Variants in CTTNBP2NL observed in about 807,000 individuals in gnomAD.
CTTNBP2NL encodes CTTNBP2 N-terminal like.
In CTTNBP2NL, 16 loss-of-function variants were observed where a neutral mutation model predicts 32.5. That is an observed-to-expected ratio of 0.49 (90% confidence interval 0.33 to 0.75). CTTNBP2NL has a LOEUF of 0.75. CTTNBP2NL is among the 30% of genes least tolerant of loss of function. The pLI is 0.02. For synonymous variants in CTTNBP2NL, 298 were observed against 289.4 expected, an observed-to-expected ratio of 1.03 and a Z score of -0.30; for missense variants, 645 against 756.0, an observed-to-expected ratio of 0.85 and a Z score of 1.72.
chr1:112,456,194 G>C lies in CTTNBP2NL; in HGVS notation c.702G>C (p.Gln234His), dbSNP rs376910618. The change falls in exon 6 of 6, where the codon CAG (glutamine) becomes CAC (histidine). Residue 234 changes from glutamine (Q) to histidine (H), a missense_variant. Physicochemically the swap from Gln to His is conservative, Grantham distance 24. Coordinates refer to ENST00000271277, the MANE Select transcript of CTTNBP2NL (RefSeq NM_018704.3). Reference protein sequence around the residue: ...ERKRGLQTEAQVEKQLSEFDI... With the variant: ...ERKRGLQTEAHVEKQLSEFDI... The stretch of plus-strand genomic sequence containing the variant: ...AGAGAGGCTTGCAGACTGAGGCCCA[G>C]GTAGAGAAGCAGTTATCAGAGTTTG... The C allele has an allele frequency of 1.9e-5, 31 of 1,614,014 alleles. No homozygotes were observed. The highest frequency in any genetic ancestry group is 1.4e-5 in the Non-Finnish European group (16 of 1,180,038).
At chr1:112,404,633 T>C (rs1158464965) in intron 1 of CTTNBP2NL, among the ~76,000 whole-genome samples, 1 of 152,246 alleles carries the variant, frequency 6.6e-6, no homozygotes, top group Non-Finnish European at 1.5e-5. Flanking sequence ...GGTGGCATTA[T>C]TTCAGAAAAG....
intron 3 of CTTNBP2NL, among the ~76,000 whole-genome samples, chr1:112,442,519 G>A (rs1221220438): frequency 6.6e-6 from 1 of 151,828 alleles, no homozygotes; most frequent in African/African-American, 2.4e-5. Context: ...AGTTATTCTT[G>A]TGGACTCAGT....
chr1:112,421,518 G>T (rs548490657), intron 3 of CTTNBP2NL, among the ~76,000 whole-genome samples: 3 of 149,450 alleles, frequency 2.0e-5, no homozygotes, highest in East Asian at 4.0e-4. Context: ...GGCCAGGCTG[G>T]TCTTGAACTC....
At chr1:112,395,654 A>G (rs569931918), upstream of CTTNBP2NL, among the ~76,000 whole-genome samples, 1 of 152,276 alleles carries the variant, frequency 6.6e-6, no homozygotes, top group African/African-American at 2.4e-5. Context: ...AATGTGGTTG[A>G]GAGAAGGGTG....
chr1:112,415,211 T>A (rs1649019124), intron 2 of CTTNBP2NL, among the ~76,000 whole-genome samples: 1 of 151,946 alleles, frequency 6.6e-6, no homozygotes, highest in Non-Finnish European at 1.5e-5. Context: ...AAAATAAAGA[T>A]GTTTAAACCC....
chr1:112,426,011 G>T (rs1649387114), intron 3 of CTTNBP2NL, among the ~76,000 whole-genome samples: 1 of 140,404 alleles, frequency 7.1e-6, no homozygotes, highest in African/African-American at 2.6e-5. Context: ...GTGTCTGTCT[G>T]TCTTACTACA....
rs1458732344 is a variant in CTTNBP2NL at position 112,456,080 on chromosome 1, A to G, written c.588A>G (p.Glu196=). The change falls in exon 6 of 6, where the codon GAA becomes GAG. Residue 196 remains glutamate (E), a synonymous_variant. Coordinates refer to ENST00000271277, the MANE Select transcript of CTTNBP2NL (RefSeq NM_018704.3). ...CKKATNKAAE[E]GQKAGELSLK... ...AAGCCACCAACAAGGCAGCCGAGGA[A>G]GGACAGAAGGCAGGAGAGCTGAGCC... 3 of 1,614,170 alleles carry G rather than the reference A, an allele frequency of 1.9e-6. No homozygotes were observed. Among genetic ancestry groups the G allele is most frequent in the Non-Finnish European group, 2.5e-6 (3 of 1,180,012 alleles).
chr1:112,427,085 G>T (rs1200636387), intron 3 of CTTNBP2NL, among the ~76,000 whole-genome samples: 2 of 152,068 alleles, frequency 1.3e-5, no homozygotes, highest in Non-Finnish European at 2.9e-5. Context: ...TACAAAGTGT[G>T]AATTTTTATA....
rs1189621679 is a variant in CTTNBP2NL, at chr1:112,412,227, T to G, written c.-100T>G. The G allele has an allele frequency of 6.6e-6, 1 of 152,216 alleles. No individual in the cohort carries two copies. Among genetic ancestry groups the G allele is most frequent in the East Asian group, 1.9e-4 (1 of 5,202 alleles). 9.4% of individuals were successfully genotyped at this position (152,216 alleles called of 1,614,324 possible). A position where few individuals can be genotyped will look rare whatever the true frequency, so the allele number is the denominator to read the frequency against. ...ACATTTCCACCATGCTAATGGCATTTTAAATATATTTGGCAATTTTCCCAA... is the reference window on the plus strand; with the variant it reads ...ACATTTCCACCATGCTAATGGCATTGTAAATATATTTGGCAATTTTCCCAA... On this transcript the variant is annotated 5_prime_UTR_variant, in exon 2 of 6. Coordinates refer to ENST00000271277, the MANE Select transcript of CTTNBP2NL (RefSeq NM_018704.3).
upstream of CTTNBP2NL, among the ~76,000 whole-genome samples, chr1:112,392,870 T>G (rs929583619): frequency 9.2e-5 from 14 of 152,124 alleles, no homozygotes; most frequent in Non-Finnish European, 1.2e-4. Context: ...TTGTTTGTTT[T>G]TTTGAGACAG....
At chr1:112,423,974 C>A (rs1649314838) in intron 3 of CTTNBP2NL, among the ~76,000 whole-genome samples, 2 of 152,224 alleles carry the variant, frequency 1.3e-5, no homozygotes, top group African/African-American at 4.8e-5. Context: ...CCACTCGCCT[C>A]AGCCTCCCAA....
At chr1:112,438,617 G>A (rs895209318) in intron 3 of CTTNBP2NL, among the ~76,000 whole-genome samples, 1 of 152,152 alleles carries the variant, frequency 6.6e-6, no homozygotes, top group Non-Finnish European at 1.5e-5. Context: ...TGGTGAGAGA[G>A]GGCATCCTTA....
intron 3 of CTTNBP2NL, among the ~76,000 whole-genome samples, chr1:112,421,286 C>T (rs1026935327): frequency 6.9e-6 from 1 of 145,954 alleles, no homozygotes; most frequent in Admixed American, 6.9e-5. Flanking sequence ...GCCTTTGCAA[C>T]ATAATGAGAC....
At chr1:112,394,190 G>A (rs940764683), upstream of CTTNBP2NL, among the ~76,000 whole-genome samples, 16 of 147,910 alleles carry the variant, frequency 1.1e-4, no homozygotes, top group Admixed American at 9.5e-4. Context: ...GAGACAGAGC[G>A]AGACTCCATC....
At chr1:112,453,141 G>A (rs1650272396) in intron 4 of CTTNBP2NL, among the ~76,000 whole-genome samples, 1 of 151,678 alleles carries the variant, frequency 6.6e-6, no homozygotes, top group East Asian at 2.0e-4. Flanking sequence ...GGTGGGGGAG[G>A]GAGAGGGAGA....
intron 1 of CTTNBP2NL, among the ~76,000 whole-genome samples, chr1:112,406,605 A>G (rs1648675668): frequency 6.6e-6 from 1 of 152,232 alleles, no homozygotes; most frequent in Non-Finnish European, 1.5e-5. Context: ...TAATACCTGT[A>G]CATGTCAAGT....
intron 1 of CTTNBP2NL, among the ~76,000 whole-genome samples, chr1:112,396,935 A>G (rs930069289): frequency 2.0e-5 from 3 of 152,188 alleles, no homozygotes; most frequent in Admixed American, 6.5e-5. Flanking sequence ...AGGGAGAACT[A>G]GGACCTCCTC....
At chr1:112,410,336 G>C (rs1054328045) in intron 1 of CTTNBP2NL, among the ~76,000 whole-genome samples, 1 of 150,250 alleles carries the variant, frequency 6.7e-6, no homozygotes, top group Non-Finnish European at 1.5e-5. Flanking sequence ...AGGCTGCGGT[G>C]ATCAAGATCG....
intron 4 of CTTNBP2NL, among the ~76,000 whole-genome samples, chr1:112,453,022 G>A (rs898930497): frequency 3.3e-5 from 5 of 151,738 alleles, no homozygotes; most frequent in African/African-American, 9.7e-5. Context: ...GGCTGAGGTG[G>A]GAGGATCACT....
Sources: gnomAD v4.1 joint callset for allele counts (sites outside exome capture counted in the v4.1 genomes callset) on GRCh38, gnomAD v4.1.1 for gene constraint, MANE v1.5 for transcripts, NCBI Gene and HGNC (gene_info 2026-07-23, HGNC 2026-07-21) for gene names.